SLC35B3: variants seen among roughly 807,000 people sequenced by gnomAD.
The protein encoded by SLC35B3 is solute carrier family 35 member B3.
SLC35B3 carries 35 observed loss-of-function variants against 44.1 expected under a neutral mutation model. That is an observed-to-expected ratio of 0.79 (90% confidence interval 0.61 to 1.05). The LOEUF is 1.05. Ranked by LOEUF, SLC35B3 falls within the 50% of genes least tolerant of loss-of-function variation. The pLI is 0.00. For missense variants in SLC35B3, 414 were observed against 476.4 expected (o/e 0.87, Z 1.22); for synonymous variants, 146 against 167.3 (o/e 0.87, Z 0.98).
At chr6:8,418,889 C>A (rs1375450842) in intron 7 of SLC35B3, 2 of 209,758 alleles carry the variant, frequency 9.5e-6, no homozygotes, top group Admixed American at 5.1e-5. Context: ...TAATATTCTG[C>A]AAAAGAAAAG....
chr6:8,427,851 T>C lies in SLC35B3; in HGVS notation c.419+86A>G, dbSNP rs777890593. On this transcript the variant is annotated intron_variant, in intron 4 of 10. Transcript: ENST00000644923. ...TCGTGCCTATCACATGTTTTGTTAA[T>C]AGAAGTATAAATTTCATGCATATTC... is the stretch of plus-strand genomic sequence containing the variant. 4.2e-6 allele frequency: 5 copies of C among 1,187,656 alleles called. No homozygotes were observed. In the South Asian group the frequency reaches 6.4e-5, roughly 15 times the overall value. The allele number at this position is 1,187,656 out of a possible 1,614,324, so 73.6% of individuals were successfully genotyped here.
Position 8,427,931 on chromosome 6 carries a change from A to T in SLC35B3, c.419+6T>A. 6.2e-7 allele frequency: 1 copy of T among 1,606,674 alleles called. No individual in the cohort carries two copies. The highest frequency in any genetic ancestry group is 1.3e-5 in the African/African-American group (1 of 74,678). ...AAATATCAAAAAATAAAAACAAACC[A>T]CATACCTCCTCCTTTTGTCCTGAAT... On this transcript the variant is annotated splice_donor_region_variant and intron_variant, in intron 4 of 10. Transcript: ENST00000644923.
In SLC35B3 at chr6:8,430,176, A is replaced by G; in HGVS notation, c.4-19T>C. On this transcript the variant is annotated intron_variant, in intron 2 of 10. Transcript: ENST00000644923. ...TCAAGTCCTAGAGAAGGAAATAAGC[A>G]ATTAAAACATTTACATGATAAAGTT... The G allele has an allele frequency of 6.6e-7, 1 of 1,518,894 alleles. No homozygotes were observed. The allele number at this position is 1,518,894 out of a possible 1,614,324, so 94.1% of individuals were successfully genotyped here.
In SLC35B3 at chr6:8,411,445, A is replaced by T. The variant is rs1762064124; in HGVS notation, c.*2104T>A. ...AGTGTAGAGGCAAAATAAGGCTTTG[A>T]TAAGTCAAATTTATATTTTATCAAA... On this transcript the variant is annotated 3_prime_UTR_variant, in exon 11 of 11. Transcript: ENST00000644923. Among the ~76,000 whole-genome samples, 3 of 152,238 alleles carry T rather than the reference A, an allele frequency of 2.0e-5. No homozygotes were observed. Among genetic ancestry groups the T allele is most frequent in the Admixed American group, 2.0e-4 (3 of 15,282 alleles).
At chr6:8,431,941 G>A (rs1360855) in intron 2 of SLC35B3, among the ~76,000 whole-genome samples, 75,470 of 151,904 alleles carry the variant, frequency 0.5, 19,618 homozygotes, top group African/African-American at 0.67. Flanking sequence ...TTAAAACACC[G>A]CTGCCTTCTG....
Position 8,413,314 on chromosome 6 carries a change from A to G in SLC35B3, c.*235T>C. 2.5e-6 allele frequency: 1 copy of G among 402,768 alleles called. No individual in the cohort carries two copies. The highest frequency in any genetic ancestry group is 2.1e-5 in the African/African-American group (1 of 47,928). The allele number at this position is 402,768 out of a possible 1,614,324, so 24.9% of individuals were successfully genotyped here. A position where few individuals can be genotyped will look rare whatever the true frequency, so the allele number is the denominator to read the frequency against. On this transcript the variant is annotated 3_prime_UTR_variant, in exon 11 of 11. Coordinates refer to ENST00000644923, the MANE Select transcript of SLC35B3 (RefSeq NM_001370476.2). ...AAACTGCTAGGAATTACAGTCCTTCATATTGACATTTTATTGTAAAGTCTG... is the reference window on the plus strand; with the variant it reads ...AAACTGCTAGGAATTACAGTCCTTCGTATTGACATTTTATTGTAAAGTCTG...
At chr6:8,414,756 A>C (rs1357793073) in intron 10 of SLC35B3, 152 bp downstream of exon 9, 3 of 428,650 alleles carry the variant, frequency 7.0e-6, no homozygotes, top group Non-Finnish European at 1.2e-5. Context: ...TTTATAAAGC[A>C]TAACAGGAAA....
At position 8,420,849 on chromosome 6, in the gene SLC35B3, TC is replaced by T. The variant is rs773924564; in HGVS notation, c.575-22del. ...CTTTCCTGTATAAAACAAACGTAAG[TC>T]CACTTCATTATGCAAATACCCACCC... is the stretch of plus-strand genomic sequence containing the variant. On this transcript the variant is annotated intron_variant, in intron 5 of 10. Coordinates refer to ENST00000644923, the MANE Select transcript of SLC35B3 (RefSeq NM_001370476.2). This position sits in a 1 kb window ranked among gnomAD's most constrained non-coding sequence, Gnocchi z 4.4. The T allele has an allele frequency of 6.4e-7, 1 of 1,562,474 alleles. No homozygotes were observed.
chr6:8,431,226 T>C (rs1430551904), intron 2 of SLC35B3, among the ~76,000 whole-genome samples: 5 of 152,198 alleles, frequency 3.3e-5, no homozygotes, highest in Admixed American at 2.6e-4. Context: ...AATAAACCTA[T>C]GTAAAAGAAA....
Position 8,413,261 on chromosome 6 carries a change from A to G in SLC35B3, c.*288T>C, listed in dbSNP as rs1762120659. The stretch of plus-strand genomic sequence containing the variant: ...TTATAGCCAATTAGTCTTGCAACAC[A>G]TGGTCCATTTCCAGTGAAATTCTCA... On this transcript the variant is annotated 3_prime_UTR_variant, in exon 11 of 11. Coordinates refer to ENST00000644923, the MANE Select transcript of SLC35B3 (RefSeq NM_001370476.2). 2 of 286,244 alleles carry G rather than the reference A, an allele frequency of 7.0e-6. No homozygotes were observed. Among genetic ancestry groups the G allele is most frequent in the Middle Eastern group, 9.9e-4 (1 of 1,010 alleles). 17.7% of individuals were successfully genotyped at this position (286,244 alleles called of 1,614,324 possible). A position where few individuals can be genotyped will look rare whatever the true frequency, so the allele number is the denominator to read the frequency against.
chr6:8,414,067 C>G (rs2113225042), intron 10 of SLC35B3, among the ~76,000 whole-genome samples: 1 of 152,212 alleles, frequency 6.6e-6, no homozygotes, highest in South Asian at 2.1e-4. Context: ...TTAAACTCAG[C>G]TGTCCAACTC....
chr6:8,426,159 C>T (rs1763390796), intron 4 of SLC35B3, among the ~76,000 whole-genome samples: 1 of 152,116 alleles, frequency 6.6e-6, no homozygotes, highest in African/African-American at 2.4e-5. Context: ...ACTTGGTATC[C>T]CTCATCCAAA....
rs1253608214 is a variant in SLC35B3, at chr6:8,420,782, G to A, written c.621C>T (p.Ser207=). ...CGAGGGTAAACCATATCAGGCCAAG[G>A]CTCATACATATGGCAGCAGACACAT... The change falls in exon 6 of 11, where the codon AGC becomes AGT. Residue 207 remains serine, a synonymous_variant. Transcript: ENST00000644923. This position sits in a 1 kb window ranked among gnomAD's most constrained non-coding sequence, Gnocchi z 4.4. 6.2e-7 allele frequency: 1 copy of A among 1,612,872 alleles called. No homozygotes were observed. Among genetic ancestry groups the A allele is most frequent in the African/African-American group, 1.3e-5 (1 of 74,866 alleles).
At chr6:8,427,143 A>C (rs1011046395) in intron 4 of SLC35B3, among the ~76,000 whole-genome samples, 2 of 152,216 alleles carry the variant, frequency 1.3e-5, no homozygotes, top group Admixed American at 6.5e-5. Flanking sequence ...GGTTCAGAAA[A>C]TTTGCAACCT....
rs1763588634 is a variant in SLC35B3 at position 8,427,951 on chromosome 6, C to A, written c.405G>T (p.Gln135His). 6.2e-7 allele frequency: 1 copy of A among 1,611,806 alleles called. No individual in the cohort carries two copies. Among genetic ancestry groups the A allele is most frequent in the South Asian group, 1.1e-5 (1 of 90,742 alleles). The change falls in exon 4 of 11, where the codon CAG becomes CAT. Residue 135 changes from glutamine to histidine, a missense_variant. Transcript: ENST00000644923. ...AAACCACATACCTCCTCCTTTTGTCCTGAATAAGCTGAAGTTCTATTAGGC... is the reference window on the plus strand; with the variant it reads ...AAACCACATACCTCCTCCTTTTGTCATGAATAAGCTGAAGTTCTATTAGGC...
rs1034330673 is a variant in SLC35B3 at position 8,419,813 on chromosome 6, A to G, written c.683-136T>C. On this transcript the variant is annotated intron_variant, in intron 6 of 10. Coordinates refer to ENST00000644923, the MANE Select transcript of SLC35B3 (RefSeq NM_001370476.2). This position sits in a 1 kb window ranked among gnomAD's most constrained non-coding sequence, Gnocchi z 4.3. ...TTCAACTACATTTGTTCGGTAATCCAGAATATTCTTATTCACAATCGGTTG... is the reference window on the plus strand; with the variant it reads ...TTCAACTACATTTGTTCGGTAATCCGGAATATTCTTATTCACAATCGGTTG... The G allele has an allele frequency of 3.5e-5, 17 of 488,056 alleles. No homozygotes were observed. The South Asian group carries it at 6.7e-4, about 19-fold the overall frequency. The allele number at this position is 488,056 out of a possible 1,614,324, so 30.2% of individuals were successfully genotyped here. A position where few individuals can be genotyped will look rare whatever the true frequency, so the allele number is the denominator to read the frequency against.
chr6:8,415,367 T>G (rs1307157704), intron 9 of SLC35B3, among the ~76,000 whole-genome samples: 1 of 152,210 alleles, frequency 6.6e-6, no homozygotes, highest in African/African-American at 2.4e-5. Context: ...TACTCATATC[T>G]TAATAGGGGT....
Position 8,419,542 on chromosome 6 carries a change from A to G in SLC35B3, c.780+38T>C, listed in dbSNP as rs774500364. The G allele has an allele frequency of 9.3e-7, 1 of 1,076,310 alleles. No homozygotes were observed. Among genetic ancestry groups the G allele is most frequent in the Non-Finnish European group, 1.3e-6 (1 of 742,928 alleles). 66.7% of individuals were successfully genotyped at this position (1,076,310 alleles called of 1,614,324 possible). On this transcript the variant is annotated intron_variant, in intron 7 of 10. Transcript: ENST00000644923. The surrounding 1 kb of genome is among the most constrained non-coding windows in gnomAD (Gnocchi z 4.3). ...AATTACGTGTATCACCATTTTTTAA[A>G]TCTGTCTAATTTGAAGAAAAAACAC...
Position 8,419,714 on chromosome 6 carries a change from C to G in SLC35B3, c.683-37G>C, listed in dbSNP as rs1311179107. On this transcript the variant is annotated intron_variant, in intron 6 of 10. Coordinates refer to ENST00000644923, the MANE Select transcript of SLC35B3 (RefSeq NM_001370476.2). This position sits in a 1 kb window ranked among gnomAD's most constrained non-coding sequence, Gnocchi z 4.3. ...TATTAAAAAAACAAACAAAAAAACC[C>G]TCCTTATTTAAACATATGAACTATA... 1.6e-6 allele frequency: 2 copies of G among 1,224,960 alleles called. No homozygotes were observed. The highest frequency in any genetic ancestry group is 3.1e-5 in the African/African-American group (2 of 64,778). The allele number at this position is 1,224,960 out of a possible 1,614,324, so 75.9% of individuals were successfully genotyped here. A position where few individuals can be genotyped will look rare whatever the true frequency, so the allele number is the denominator to read the frequency against.
Sources: allele counts gnomAD v4.1 joint callset (sites outside exome capture counted in the v4.1 genomes callset), GRCh38; gene constraint gnomAD v4.1.1; non-coding constraint Gnocchi (gnomAD v3.1); transcripts MANE v1.5; gene names NCBI Gene and HGNC (gene_info 2026-07-23, HGNC 2026-07-21).